SPNS1: variants seen among roughly 807,000 people sequenced by gnomAD.
SPNS1 encodes SPNS lysolipid transporter 1, lysophospholipid, also known as protein spinster homolog 1.
SPNS1 carries 22 observed loss-of-function variants against 50.3 expected under a neutral mutation model. The ratio of observed to expected loss-of-function variants is 0.44; its 90% CI spans 0.31 to 0.62. SPNS1 has a LOEUF of 0.62. Ranked by LOEUF, SPNS1 falls within the 20% of genes least tolerant of loss-of-function variation. The probability of loss-of-function intolerance (pLI) is 0.07; values close to 1 mark genes in which losing one functional copy is unlikely to be tolerated. For missense variants in SPNS1, 576 were observed against 728.6 expected (o/e 0.79, Z 2.41); for synonymous variants, 295 against 317.4 (o/e 0.93, Z 0.75).
chr16:28,984,651 GTC>G, downstream of SPNS1: 1 of 627,130 alleles, frequency 1.6e-6, no homozygotes, highest in Non-Finnish European at 2.9e-6. Context: ...CTCTGGGTGA[GTC>G]TCTGCCCTTC....
intron 2 of SPNS1, among the ~76,000 whole-genome samples, chr16:28,977,237 C>T (rs1378470894): frequency 6.7e-6 from 1 of 150,068 alleles, no homozygotes; most frequent in East Asian, 2.0e-4. Flanking sequence ...ATTGCTTGAA[C>T]CTGGGAGGCG....
chr16:28,983,668 A>G lies in SPNS1; in HGVS notation c.1321-118A>G. On this transcript the variant is annotated intron_variant, in intron 10 of 11. Coordinates refer to ENST00000311008, the MANE Select transcript of SPNS1 (RefSeq NM_032038.3). This position sits in a 1 kb window ranked among gnomAD's most constrained non-coding sequence, Gnocchi z 5.4. ...AGGCATGAGCCACTGCATCTAGCTC[A>G]AACCTCCTTCCCTTTCCTGGGCTCC... 1 of 1,253,924 alleles carries G rather than the reference A, an allele frequency of 8.0e-7. No individual in the cohort carries two copies. The highest frequency in any genetic ancestry group is 1.1e-6 in the Non-Finnish European group (1 of 913,540). 77.7% of individuals were successfully genotyped at this position (1,253,924 alleles called of 1,614,324 possible).
chr16:28,982,672 CA>C, intron 8 of SPNS1, 127 bp downstream of exon 8: 2 of 1,298,418 alleles, frequency 1.5e-6, no homozygotes, highest in South Asian at 2.7e-5. Flanking sequence ...AGCTGTGTGA[CA>C]TTGGACAAGT....
chr16:28,982,319 C>T (rs1965580920), intron 7 of SPNS1, 37 bp from the exon 8 acceptor site: 1 of 1,503,790 alleles, frequency 6.6e-7, no homozygotes, highest in African/African-American at 1.9e-5. Context: ...TTGGCAGGCA[C>T]AGGGACAAAC....
rs915129603 is a variant in SPNS1, at chr16:28,982,995, C to CT, written c.1221+74dup. 7 of 1,530,230 alleles carry CT rather than the reference C, an allele frequency of 4.6e-6. No homozygotes were observed. In the African/African-American group the frequency reaches 9.6e-5, roughly 21 times the overall value. 94.8% of individuals were successfully genotyped at this position (1,530,230 alleles called of 1,614,324 possible). On this transcript the variant is annotated intron_variant, in intron 9 of 11. Coordinates refer to ENST00000311008, the MANE Select transcript of SPNS1 (RefSeq NM_032038.3). ...AGAGTTGGGGTCAGGAGTGTTGCCT[C>CT]TACCCCTCAAAGCCCAGCCTCAACC...
In SPNS1 at chr16:28,974,787, G is replaced by A. The variant is rs768202442; in HGVS notation, c.-365G>A. On this transcript the variant is annotated 5_prime_UTR_variant, in exon 1 of 12. Transcript: ENST00000311008. ...CCCTGGCTCCCGCGTCACATGACCG[G>A]CTTTAAGCAACATGGCGGCTGCCGT... 1 of 1,535,572 alleles carries A rather than the reference G, an allele frequency of 6.5e-7. No individual in the cohort carries two copies. Among genetic ancestry groups the A allele is most frequent in the South Asian group, 1.2e-5 (1 of 84,008 alleles).
In SPNS1 at chr16:28,977,902, C is replaced by T. The variant is rs764095000; in HGVS notation, c.308-6C>T. The T allele has an allele frequency of 6.2e-7, 1 of 1,613,252 alleles. No individual in the cohort carries two copies. Among genetic ancestry groups the T allele is most frequent in the African/African-American group, 1.3e-5 (1 of 74,832 alleles). On this transcript the variant is annotated splice_region_variant and splice_polypyrimidine_tract_variant and intron_variant, in intron 2 of 11. Transcript: ENST00000311008. ...GGCTGAGCTGTGACTCTCTGCTTCCCCCTAGTGTTCATCTCCAGTTACATG... is the reference window on the plus strand; with the variant it reads ...GGCTGAGCTGTGACTCTCTGCTTCCTCCTAGTGTTCATCTCCAGTTACATG...
In SPNS1 at chr16:28,975,556, C is replaced by T. The variant is rs1418865805; in HGVS notation, c.306C>T (p.Thr102=). The T allele has an allele frequency of 2.5e-6, 4 of 1,614,198 alleles. No homozygotes were observed. The highest frequency in any genetic ancestry group is 3.3e-5 in the Admixed American group (2 of 60,026). Residue 102 remains threonine (T), a splice_region_variant and synonymous_variant, in exon 2 of 12, where the codon ACC becomes ACT. Transcript: ENST00000311008. ...IGDSSSGLIQ[T]VFISSYMVLA... ...ACAGTAGCTCTGGGCTCATCCAGAC[C>T]GGTGAGTGGGGACCACTCCTGGTCA... is the stretch of plus-strand genomic sequence containing the variant.
In SPNS1 at chr16:28,984,368, G is replaced by T; in HGVS notation, c.*69G>T. On this transcript the variant is annotated 3_prime_UTR_variant, in exon 12 of 12. Coordinates refer to ENST00000311008, the MANE Select transcript of SPNS1 (RefSeq NM_032038.3). ...TGGGCCCACCCCACGAAGGGCCTGG[G>T]CCTAACCCCTTGGCCTGGCCCAGCT... 6.7e-7 allele frequency: 1 copy of T among 1,494,654 alleles called. No homozygotes were observed. Among genetic ancestry groups the T allele is most frequent in the Non-Finnish European group, 9.2e-7 (1 of 1,092,268 alleles). 92.6% of individuals were successfully genotyped at this position (1,494,654 alleles called of 1,614,324 possible).
At position 28,982,070 on chromosome 16, in the gene SPNS1, G is replaced by A; in HGVS notation, c.965+14G>A. The A allele has an allele frequency of 6.2e-7, 1 of 1,612,434 alleles. No homozygotes were observed. The highest frequency in any genetic ancestry group is 8.5e-7 in the Non-Finnish European group (1 of 1,179,074). On this transcript the variant is annotated intron_variant, in intron 7 of 11. Transcript: ENST00000311008. ...TTCCTCTGACAGGTGCCCAGATGGG[G>A]CTATGCTGGGGGGCCTGCGGGTGGC...
rs566246453 is a variant in SPNS1 at position 28,977,901 on chromosome 16, C to T, written c.308-7C>T. The stretch of plus-strand genomic sequence containing the variant: ...GGGCTGAGCTGTGACTCTCTGCTTC[C>T]CCCTAGTGTTCATCTCCAGTTACAT... On this transcript the variant is annotated splice_region_variant and splice_polypyrimidine_tract_variant and intron_variant, in intron 2 of 11. Transcript: ENST00000311008. 1 of 1,613,278 alleles carries T rather than the reference C, an allele frequency of 6.2e-7. No individual in the cohort carries two copies. Among genetic ancestry groups the T allele is most frequent in the Non-Finnish European group, 8.5e-7 (1 of 1,179,556 alleles).
At position 28,975,527 on chromosome 16, in the gene SPNS1, G is replaced by A. The variant is rs764188993; in HGVS notation, c.277G>A (p.Gly93Arg). 5.6e-6 allele frequency: 9 copies of A among 1,614,222 alleles called. No individual in the cohort carries two copies. The highest frequency in any genetic ancestry group is 1.7e-5 in the Admixed American group (1 of 60,022). The change falls in exon 2 of 12, where the codon GGG becomes AGG. Residue 93 changes from glycine to arginine, a missense_variant. This residue lies in a region of SPNS1 where 144 missense variants were observed against 181.2 expected (regional missense o/e 0.79). Transcript: ENST00000311008. ...CGACATCGAGCAGTTCTTCAACATC[G>A]GGGACAGTAGCTCTGGGCTCATCCA... ...LPDIEQFFNI[G>R]DSSSGLIQTV...
rs1965571545 is a variant in SPNS1 at position 28,982,028 on chromosome 16, C to G, written c.937C>G (p.Pro313Ala). ...CCTTGGGGAGACCCCACCCTGCCTT[C>G]CCGGAGACTCCTGCTCTTCCTCTGA... ...VVLGETPPCL[P>A]GDSCSSSDSL... The change falls in exon 7 of 12, where the codon CCC (proline) becomes GCC (alanine). Residue 313 changes from proline to alanine, a missense_variant. Coordinates refer to ENST00000311008, the MANE Select transcript of SPNS1 (RefSeq NM_032038.3). 1 of 1,614,184 alleles carries G rather than the reference C, an allele frequency of 6.2e-7. No individual in the cohort carries two copies. The highest frequency in any genetic ancestry group is 1.3e-5 in the African/African-American group (1 of 75,066).
At chr16:28,980,746 C>G (rs1204912165) in intron 5 of SPNS1, 4 of 152,210 alleles carry the variant, frequency 2.6e-5, no homozygotes, top group African/African-American at 9.7e-5. Context: ...CCCAGCTACT[C>G]AGGAGGCCGA....
chr16:28,984,042 G>A, intron 11 of SPNS1, 85 bp downstream of exon 11: 1 of 1,486,336 alleles, frequency 6.7e-7, no homozygotes, highest in Non-Finnish European at 9.0e-7. Flanking sequence ...GCACCTGGCA[G>A]CTCAGTCCAC....
Position 28,981,874 on chromosome 16 carries a change from T to C in SPNS1, c.810-27T>C. 6.2e-7 allele frequency: 1 copy of C among 1,613,364 alleles called. No individual in the cohort carries two copies. ...CTGCCTCGACACCTCCGTGGGGTCT[T>C]ACTCTCTCCCTCCCAACTATCTGCA... On this transcript the variant is annotated intron_variant, in intron 6 of 11. Coordinates refer to ENST00000311008, the MANE Select transcript of SPNS1 (RefSeq NM_032038.3). The surrounding 1 kb of genome is among the most constrained non-coding windows in gnomAD (Gnocchi z 4.2).
downstream of SPNS1, chr16:28,984,544 C>T (rs1326424784): frequency 3.2e-6 from 2 of 623,468 alleles, no homozygotes; most frequent in Non-Finnish European, 5.8e-6. Flanking sequence ...TGTAGCCAGA[C>T]CCCAGGTGCC....
Position 28,979,459 on chromosome 16 carries a change from C to T in SPNS1, c.651C>T (p.His217=), listed in dbSNP as rs1199310059. ...TGAAGGATATGGCTGGAGACTGGCA[C>T]TGGGCTCTGAGGGTGAGTCTGGTCT... is the stretch of plus-strand genomic sequence containing the variant. ...SKVKDMAGDW[H]WALRVTPGLG... Residue 217 remains histidine, a synonymous_variant, in exon 5 of 12, where the codon CAC becomes CAT. Transcript: ENST00000311008. The T allele has an allele frequency of 6.2e-7, 1 of 1,613,974 alleles. No homozygotes were observed. The highest frequency in any genetic ancestry group is 1.3e-5 in the African/African-American group (1 of 74,888).
In SPNS1 at chr16:28,979,520, C is replaced by G. The variant is rs754564101; in HGVS notation, c.663+49C>G. On this transcript the variant is annotated intron_variant, in intron 5 of 11. Transcript: ENST00000311008. ...GTAGGTCAGCGACGTTCTCACTGATCCCTGTTTCCTACCTTTGGACCCCTT... is the reference window on the plus strand; with the variant it reads ...GTAGGTCAGCGACGTTCTCACTGATGCCTGTTTCCTACCTTTGGACCCCTT... 2.6e-5 allele frequency: 42 copies of G among 1,591,328 alleles called. No individual in the cohort carries two copies. In the East Asian group the frequency reaches 8.9e-4, roughly 34 times the overall value.
Sources: gnomAD v4.1 joint callset for allele counts (sites outside exome capture counted in the v4.1 genomes callset) on GRCh38, gnomAD v4.1.1 for gene constraint, gnomAD v4.1.1 regional missense constraint, Gnocchi (gnomAD v3.1) non-coding constraint, MANE v1.5 for transcripts, NCBI Gene and HGNC (gene_info 2026-07-23, HGNC 2026-07-21) for gene names.